STAU2: variants seen among roughly 807,000 people sequenced by gnomAD.
STAU2 encodes staufen double-stranded RNA binding protein 2.
In STAU2, 20 loss-of-function variants were observed where a neutral mutation model predicts 65.9. That is an observed-to-expected ratio of 0.30 (90% CI 0.21 to 0.44). The LOEUF (loss-of-function observed/expected upper bound fraction) is 0.44, where lower values mean the gene tolerates loss of function less well. STAU2 is among the 20% of genes least tolerant of loss of function. The pLI is 1.00. For synonymous variants in STAU2, 232 were observed against 233.9 expected (o/e 0.99, Z 0.07); for missense variants, 558 against 683.9 (o/e 0.82, Z 2.05).
chr8:73,470,377 A>T (rs1333865456), intron 13 of STAU2, among the ~76,000 whole-genome samples: 1 of 152,212 alleles, frequency 6.6e-6, no homozygotes, highest in Non-Finnish European at 1.5e-5. Context: ...AGATTAGTCA[A>T]CATAGGCTAT....
At chr8:73,633,285 G>C (rs938070996) in intron 6 of STAU2, among the ~76,000 whole-genome samples, 1 of 152,198 alleles carries the variant, frequency 6.6e-6, no homozygotes, top group Non-Finnish European at 1.5e-5. Flanking sequence ...TAAGTTGCTT[G>C]GCCTAGGCGG....
intron 6 of STAU2, among the ~76,000 whole-genome samples, chr8:73,649,867 T>TTTTA (rs202217646): frequency 0.27 from 14,137 of 53,306 alleles, 2,095 homozygotes; most frequent in Admixed American, 0.35. Context: ...TTCTATATAA[T>TTTTA]TTTATATATA....
chr8:73,671,341 T>C (rs767718259), intron 6 of STAU2, among the ~76,000 whole-genome samples: 2 of 150,844 alleles, frequency 1.3e-5, no homozygotes, highest in South Asian at 2.1e-4. Context: ...GACCACACCA[T>C]GGCACTCCAA....
chr8:73,581,230 C>T (rs1809954830), intron 12 of STAU2, among the ~76,000 whole-genome samples: 1 of 151,862 alleles, frequency 6.6e-6, no homozygotes, highest in Non-Finnish European at 1.5e-5. Flanking sequence ...AGTGATTTCA[C>T]GTTAAAATTG....
intron 1 of STAU2, among the ~76,000 whole-genome samples, chr8:73,740,520 C>T (rs976624511): frequency 6.6e-6 from 1 of 152,142 alleles, no homozygotes; most frequent in South Asian, 2.1e-4. Flanking sequence ...GCATTAGTCA[C>T]ATGGTGTTAA....
chr8:73,506,837 G>C (rs1563391758), intron 13 of STAU2, among the ~76,000 whole-genome samples: 1 of 152,188 alleles, frequency 6.6e-6, no homozygotes. Context: ...AACAAAGTTT[G>C]TGTACCATTC....
chr8:73,621,302 C>T (rs559695270), intron 6 of STAU2, among the ~76,000 whole-genome samples: 1 of 152,254 alleles, frequency 6.6e-6, no homozygotes, highest in East Asian at 1.9e-4. Flanking sequence ...CCCCTGCTGG[C>T]ATTCATTTCC....
chr8:73,432,188 C>A (rs1195748253), intron 13 of STAU2, among the ~76,000 whole-genome samples: 5 of 152,188 alleles, frequency 3.3e-5, no homozygotes, highest in African/African-American at 1.2e-4. Flanking sequence ...TTTGCCTTTT[C>A]TCCCTGAAAA....
At chr8:73,738,423 C>T in intron 2 of STAU2, 74 bp from the exon 3 acceptor site, 1 of 999,586 alleles carries the variant, frequency 1.0e-6, no homozygotes, top group Non-Finnish European at 1.5e-6. Context: ...AAACACATGC[C>T]CTTGATCAAA....
In STAU2 at chr8:73,714,007, G is replaced by A. The variant is rs893175369; in HGVS notation, c.-17-4845C>T. 2.6e-5 allele frequency among the ~76,000 whole-genome samples: 4 copies of A among 152,210 alleles called. No homozygotes were observed. In the East Asian group the frequency reaches 7.7e-4, roughly 29 times the overall value. On this transcript the variant is annotated intron_variant, in intron 3 of 14. Coordinates refer to ENST00000524300, the MANE Select transcript of STAU2 (RefSeq NM_001164380.2). ...CAACCTCCACCTCCTGGATTCAGGT[G>A]ATTCTCCTGCCTCAGCCTCCCGAGT...
chr8:73,651,784 G>A (rs1390694518), intron 6 of STAU2, among the ~76,000 whole-genome samples: 1 of 152,262 alleles, frequency 6.6e-6, no homozygotes, highest in East Asian at 1.9e-4. Context: ...GAGACGGGAT[G>A]CATTTTGAGG....
At chr8:73,575,574 C>T (rs1190352751) in intron 12 of STAU2, among the ~76,000 whole-genome samples, 1 of 151,992 alleles carries the variant, frequency 6.6e-6, no homozygotes, top group Non-Finnish European at 1.5e-5. Flanking sequence ...ATACTATAAA[C>T]AATCTAAATA....
At chr8:73,669,032 A>G in intron 6 of STAU2, 1 of 654,086 alleles carries the variant, frequency 1.5e-6, no homozygotes, top group East Asian at 2.8e-5. Context: ...CTAATGATTA[A>G]TCTGGGTTCT....
chr8:73,432,963 A>T (rs1817411495), intron 13 of STAU2, among the ~76,000 whole-genome samples: 2 of 152,224 alleles, frequency 1.3e-5, no homozygotes, highest in South Asian at 2.1e-4. Flanking sequence ...TTTAAAATCG[A>T]GCACTTAAAT....
chr8:73,689,173 C>A (rs1819152596), intron 4 of STAU2, among the ~76,000 whole-genome samples: 1 of 152,142 alleles, frequency 6.6e-6, no homozygotes, highest in South Asian at 2.1e-4. Flanking sequence ...AGCCAAAAGA[C>A]CATGTGTCTA....
At chr8:73,722,672 C>G (rs925888765) in intron 3 of STAU2, among the ~76,000 whole-genome samples, 4 of 152,154 alleles carry the variant, frequency 2.6e-5, no homozygotes, top group African/African-American at 9.7e-5. Context: ...ATCTCTTTCT[C>G]TGACTGCTTT....
intron 2 of STAU2, among the ~76,000 whole-genome samples, chr8:73,739,220 G>C (rs571304780): frequency 8.3e-6 from 1 of 120,874 alleles, no homozygotes; most frequent in Non-Finnish European, 1.6e-5. Context: ...GCGACAGAGC[G>C]AGACTCCATC....
intron 4 of STAU2, among the ~76,000 whole-genome samples, 185 bp downstream of exon 4, chr8:73,708,847 T>G (rs1022769796): frequency 1.3e-5 from 2 of 152,174 alleles, no homozygotes. Flanking sequence ...TAAAAGAGCT[T>G]TGTAAACCAC....
At chr8:73,593,019 G>C (rs1394118394) in intron 11 of STAU2, among the ~76,000 whole-genome samples, 1 of 152,056 alleles carries the variant, frequency 6.6e-6, no homozygotes, top group Non-Finnish European at 1.5e-5. Context: ...CCTTTTTGCA[G>C]GTAGTCTTTC....
Sources: allele counts gnomAD v4.1 joint callset (sites outside exome capture counted in the v4.1 genomes callset), GRCh38; gene constraint gnomAD v4.1.1; transcripts MANE v1.5; gene names NCBI Gene and HGNC (gene_info 2026-07-23, HGNC 2026-07-21).